PID1: variants seen among roughly 807,000 people sequenced by gnomAD.
The protein encoded by PID1 is PTB-containing, cubilin and LRP1-interacting protein.
In PID1, 10 loss-of-function variants were observed where a neutral mutation model predicts 19.1. The observed-to-expected ratio is 0.52, with a 90% confidence interval of 0.32 to 0.89. PID1 has a LOEUF of 0.89. Among genes scored for constraint, PID1 ranks in the 40% least tolerant of loss-of-function variants. PID1 has a pLI of 0.03. For synonymous variants in PID1, 130 were observed against 116.0 expected (o/e 1.12, Z -0.78); for missense variants, 248 against 285.3 (o/e 0.87, Z 0.94).
At chr2:229,194,946 A>G (rs536177547) in intron 1 of PID1, among the ~76,000 whole-genome samples, 66 of 152,094 alleles carry the variant, frequency 4.3e-4, no homozygotes, top group Middle Eastern at 3.4e-3. Context: ...ACTGTAAGCA[A>G]ATGATTACTA....
At chr2:229,130,148 T>C (rs541422472) in intron 2 of PID1, among the ~76,000 whole-genome samples, 1 of 152,302 alleles carries the variant, frequency 6.6e-6, no homozygotes, top group Admixed American at 6.5e-5. Flanking sequence ...TGAACTTTGG[T>C]TGTAATTAAA....
At chr2:229,029,389 C>A (rs185664981) in intron 2 of PID1, among the ~76,000 whole-genome samples, 16 of 149,244 alleles carry the variant, frequency 1.1e-4, no homozygotes, top group African/African-American at 3.9e-4. Flanking sequence ...CAGTTAAATA[C>A]CACTTCGCAC....
intron 2 of PID1, among the ~76,000 whole-genome samples, chr2:229,068,842 G>T (rs1468166903): frequency 6.6e-6 from 1 of 152,120 alleles, no homozygotes; most frequent in East Asian, 1.9e-4. Flanking sequence ...CCCACAGAGG[G>T]TCCGCTATTT....
intron 2 of PID1, among the ~76,000 whole-genome samples, chr2:229,098,600 T>C (rs528064867): frequency 6.6e-6 from 1 of 152,242 alleles, no homozygotes; most frequent in Admixed American, 6.5e-5. Flanking sequence ...GGGGAAGAAA[T>C]TAGGATAACA....
intron 1 of PID1, chr2:229,231,902 A>C: frequency 6.5e-7 from 1 of 1,550,268 alleles, no homozygotes; most frequent in Non-Finnish European, 8.7e-7. Context: ...ATTTATAAAA[A>C]AAAACAGAAA....
intron 2 of PID1, among the ~76,000 whole-genome samples, chr2:229,151,350 C>T (rs896838975): frequency 2.6e-5 from 4 of 152,188 alleles, no homozygotes; most frequent in East Asian, 3.9e-4. Flanking sequence ...TAGTTACTAA[C>T]GAGGGACCCT....
chr2:229,107,760 G>A (rs79618517), intron 2 of PID1, among the ~76,000 whole-genome samples: 2,082 of 152,226 alleles, frequency 0.014, 33 homozygotes, highest in South Asian at 0.08. Flanking sequence ...ATACAAACGC[G>A]TCTCTACTCT....
rs562386504 is a variant in PID1, at chr2:229,164,132, C to T, written c.31-8168G>A. 1.4e-4 allele frequency among the ~76,000 whole-genome samples: 22 copies of T among 152,274 alleles called. No homozygotes were observed. In the South Asian group the frequency reaches 4.4e-3, roughly 30 times the overall value. On this transcript the variant is annotated intron_variant, in intron 1 of 2. Coordinates refer to ENST00000392055, the MANE Select transcript of PID1 (RefSeq NM_001100818.2). ...GCCATGGTCTCTGCCTGCCCTCCTGCCAACTTTCTCGTTTATACTAAACAC... is the reference window on the plus strand; with the variant it reads ...GCCATGGTCTCTGCCTGCCCTCCTGTCAACTTTCTCGTTTATACTAAACAC...
At chr2:229,110,341 A>G (rs1444753273) in intron 2 of PID1, among the ~76,000 whole-genome samples, 2 of 152,194 alleles carry the variant, frequency 1.3e-5, no homozygotes, top group African/African-American at 4.8e-5. Context: ...AGATGAGGAC[A>G]AGAGTCATCC....
chr2:229,208,634 T>C (rs539733081), intron 1 of PID1, among the ~76,000 whole-genome samples: 86 of 152,270 alleles, frequency 5.6e-4, no homozygotes, highest in African/African-American at 2.0e-3. Context: ...TGCCTTCCTC[T>C]TTGTCTTCTT....
chr2:229,032,365 A>C (rs1299865690), intron 2 of PID1, among the ~76,000 whole-genome samples: 1 of 152,232 alleles, frequency 6.6e-6, no homozygotes, highest in African/African-American at 2.4e-5. Flanking sequence ...GAGGTTCCGC[A>C]ACTAACATAG....
intron 1 of PID1, among the ~76,000 whole-genome samples, chr2:229,251,555 T>A (rs905862981): frequency 1.3e-5 from 2 of 152,200 alleles, no homozygotes; most frequent in Non-Finnish European, 2.9e-5. Flanking sequence ...ATGTGAAAAT[T>A]TTCTTAAATG....
chr2:229,189,411 G>T (rs1691208461), intron 1 of PID1, among the ~76,000 whole-genome samples: 1 of 152,146 alleles, frequency 6.6e-6, no homozygotes, highest in African/African-American at 2.4e-5. Context: ...ACCTCAAATG[G>T]TGGCTGGCTG....
chr2:229,120,187 T>C (rs1382002806), intron 2 of PID1, among the ~76,000 whole-genome samples: 1 of 152,200 alleles, frequency 6.6e-6, no homozygotes, highest in African/African-American at 2.4e-5. Context: ...ATGTTAGGAA[T>C]GGCAAGCCCC....
intron 1 of PID1, among the ~76,000 whole-genome samples, chr2:229,256,771 G>C (rs1468109982): frequency 6.6e-6 from 1 of 152,168 alleles, no homozygotes; most frequent in Non-Finnish European, 1.5e-5. Context: ...GTATTTATCT[G>C]ACTCCCAAAG....
At chr2:229,031,489 C>T (rs370320904) in intron 2 of PID1, among the ~76,000 whole-genome samples, 16 of 151,558 alleles carry the variant, frequency 1.1e-4, no homozygotes, top group South Asian at 8.3e-4. Context: ...CTGAAGGAGG[C>T]GGAGGTTGCA....
chr2:229,107,403 G>C (rs1258227976), intron 2 of PID1, among the ~76,000 whole-genome samples: 1 of 150,792 alleles, frequency 6.6e-6, no homozygotes, highest in Non-Finnish European at 1.5e-5. Context: ...AGGAGACAAT[G>C]AAATGGTTTG....
intron 2 of PID1, among the ~76,000 whole-genome samples, chr2:229,051,553 G>A (rs1693996641): frequency 6.6e-6 from 1 of 152,090 alleles, no homozygotes; most frequent in Admixed American, 6.5e-5. Flanking sequence ...GCCCAGGCTG[G>A]TCTCGAACTC....
intron 2 of PID1, among the ~76,000 whole-genome samples, chr2:229,151,870 AT>A (rs1251351403): frequency 3.3e-5 from 5 of 151,376 alleles, no homozygotes; most frequent in African/African-American, 7.3e-5. Context: ...GCGCCCAGCT[AT>A]TTTTTTTTAT....
Sources: allele counts gnomAD v4.1 joint callset (sites outside exome capture counted in the v4.1 genomes callset), GRCh38; gene constraint gnomAD v4.1.1; transcripts MANE v1.5; gene names NCBI Gene and HGNC (gene_info 2026-07-23, HGNC 2026-07-21).